CACNB4: variants seen among roughly 807,000 people sequenced by gnomAD.
CACNB4 encodes calcium voltage-gated channel auxiliary subunit beta 4, also known as voltage-dependent L-type calcium channel subunit beta-4.
CACNB4 carries 32 observed loss-of-function variants against 71.2 expected under a neutral mutation model. The ratio of observed to expected loss-of-function variants is 0.45; its 90% CI spans 0.34 to 0.60. The LOEUF is 0.60. CACNB4 is among the 20% of genes least tolerant of loss of function. CACNB4 has a pLI of 0.01. For synonymous variants in CACNB4, 231 were observed against 236.9 expected, an observed-to-expected ratio of 0.97 and a Z score of 0.23; for missense variants, 464 against 647.9, an observed-to-expected ratio of 0.72 and a Z score of 3.08.
Position 151,855,207 on chromosome 2 carries a change from A to G in CACNB4, c.1020+17T>C. The G allele has an allele frequency of 1.3e-6, 2 of 1,513,762 alleles. No homozygotes were observed. The highest frequency in any genetic ancestry group is 1.8e-6 in the Non-Finnish European group (2 of 1,111,386). The allele number at this position is 1,513,762 out of a possible 1,614,324, so 93.8% of individuals were successfully genotyped here. ...AAGATGCACTTCTAAACCTTAAGGC[A>G]GAAAGGAGCTAATTACCTTTGGAGA... On this transcript the variant is annotated intron_variant, in intron 11 of 13. Transcript: ENST00000539935.
intron 2 of CACNB4, among the ~76,000 whole-genome samples, chr2:151,948,982 G>A (rs1334463279): frequency 6.6e-6 from 1 of 151,846 alleles, no homozygotes; most frequent in Non-Finnish European, 1.5e-5. Context: ...GTCTTTCCCA[G>A]TTTCATTCAT....
intron 12 of CACNB4, among the ~76,000 whole-genome samples, chr2:151,845,944 G>A (rs192591209): frequency 1.1e-4 from 16 of 152,286 alleles, no homozygotes; most frequent in East Asian, 5.8e-4. Context: ...TGTAAATAAC[G>A]AAGAGTGAAA....
At chr2:152,038,916 T>C (rs537437094) in intron 2 of CACNB4, among the ~76,000 whole-genome samples, 17 of 152,284 alleles carry the variant, frequency 1.1e-4, no homozygotes, top group Admixed American at 2.0e-4. Context: ...TGACACTTCC[T>C]CATGTTCCCT....
chr2:151,979,852 G>A (rs2099874417), intron 2 of CACNB4, among the ~76,000 whole-genome samples: 1 of 152,156 alleles, frequency 6.6e-6, no homozygotes, highest in African/African-American at 2.4e-5. Flanking sequence ...AGAGTAATTT[G>A]ATTCCTTATC....
intron 2 of CACNB4, among the ~76,000 whole-genome samples, chr2:151,975,723 AATT>A (rs1310649129): frequency 1.3e-5 from 2 of 152,196 alleles, no homozygotes; most frequent in Non-Finnish European, 1.5e-5. Flanking sequence ...CTCTTATTTT[AATT>A]ATTAACTCTC....
chr2:151,883,277 C>T lies in CACNB4; in HGVS notation c.241G>A (p.Ala81Thr). The T allele has an allele frequency of 6.2e-7, 1 of 1,613,978 alleles. No individual in the cohort carries two copies. The highest frequency in any genetic ancestry group is 8.5e-7 in the Non-Finnish European group (1 of 1,179,844). ...EAIRQEREQQ[A>T]AIQLERAKSK... ...TTTGCTCTCTCAAGCTGGATAGCTGCTTGCTGTTCTCTCTCCTGTCGAATT... is the reference window on the plus strand; with the variant it reads ...TTTGCTCTCTCAAGCTGGATAGCTGTTTGCTGTTCTCTCTCCTGTCGAATT... Residue 81 changes from alanine (A) to threonine (T), a missense_variant, in exon 3 of 14, where the codon GCA (alanine) becomes ACA (threonine). Physicochemically the swap from Ala to Thr is moderately conservative, Grantham distance 58 (BLOSUM62 0). Around this residue, in one of 3 missense-constraint regions of CACNB4, gnomAD observed 299 missense variants for 471.7 expected, o/e 0.63. Coordinates refer to ENST00000539935, the MANE Select transcript of CACNB4 (RefSeq NM_000726.5).
intron 2 of CACNB4, chr2:151,970,348 T>A (rs1028626367): frequency 1.3e-5 from 2 of 152,210 alleles, no homozygotes; most frequent in African/African-American, 2.4e-5. Context: ...TGACTATTTC[T>A]GGGTGGTAGG....
intron 9 of CACNB4, among the ~76,000 whole-genome samples, chr2:151,862,087 A>G (rs1457841453): frequency 6.6e-6 from 1 of 152,144 alleles, no homozygotes; most frequent in African/African-American, 2.4e-5. Context: ...CCCAGAAAGG[A>G]GACAAGGAAA....
At chr2:151,945,831 T>C (rs2099865429) in intron 2 of CACNB4, among the ~76,000 whole-genome samples, 1 of 150,388 alleles carries the variant, frequency 6.6e-6, no homozygotes, top group Non-Finnish European at 1.5e-5. Flanking sequence ...GAGCTAAGAT[T>C]ATTGCACTTC....
Position 151,837,630 on chromosome 2 carries a change from A to G in CACNB4, c.*1489T>C, listed in dbSNP as rs2099835171. Reference sequence around the variant, plus strand: ...ATTTAGAAATAAGTTTTTTTTTTTAAAGACATTTGTGTAAAAAGGGTCAAT... The same window carrying G: ...ATTTAGAAATAAGTTTTTTTTTTTAGAGACATTTGTGTAAAAAGGGTCAAT... On this transcript the variant is annotated 3_prime_UTR_variant, in exon 14 of 14. Transcript: ENST00000539935. 6.6e-6 allele frequency: 1 copy of G among 151,966 alleles called. No individual in the cohort carries two copies. The highest frequency in any genetic ancestry group is 1.5e-5 in the Non-Finnish European group (1 of 67,928). 9.4% of individuals were successfully genotyped at this position (151,966 alleles called of 1,614,324 possible).
intron 2 of CACNB4, among the ~76,000 whole-genome samples, chr2:151,906,302 A>C (rs2099854799): frequency 6.6e-6 from 1 of 152,254 alleles, no homozygotes; most frequent in African/African-American, 2.4e-5. Flanking sequence ...AATAGAAAGC[A>C]GTTGAAGCCA....
intron 2 of CACNB4, among the ~76,000 whole-genome samples, chr2:152,085,005 C>T (rs1379312395): frequency 1.3e-5 from 2 of 152,096 alleles, no homozygotes; most frequent in East Asian, 1.9e-4. Flanking sequence ...AGCCAAAACA[C>T]AGTATAAGGG....
At chr2:151,871,685 G>A (rs1211709050) in intron 6 of CACNB4, 2 of 152,422 alleles carry the variant, frequency 1.3e-5, no homozygotes, top group Non-Finnish European at 2.9e-5. Flanking sequence ...CTCCAGTTTT[G>A]GTAGGCCAGA....
intron 2 of CACNB4, among the ~76,000 whole-genome samples, chr2:151,975,513 G>A (rs189063858): frequency 3.3e-5 from 5 of 152,300 alleles, no homozygotes; most frequent in Admixed American, 3.3e-4. Flanking sequence ...CTCTGAGATT[G>A]TGCCCCCATG....
In CACNB4 at chr2:151,889,778, G is replaced by C. The variant is rs146013048; in HGVS notation, c.148-6408C>G. The stretch of plus-strand genomic sequence containing the variant: ...TCACCCCCTTTATCAAACATGCCCA[G>C]AACTCTTTGCTAGGGCACCTAGCCT... On this transcript the variant is annotated intron_variant, in intron 2 of 13. Coordinates refer to ENST00000539935, the MANE Select transcript of CACNB4 (RefSeq NM_000726.5). Among the ~76,000 whole-genome samples, 5 of 152,238 alleles carry C rather than the reference G, an allele frequency of 3.3e-5. No homozygotes were observed. The East Asian group carries it at 9.7e-4, about 29-fold the overall frequency.
chr2:151,868,782 A>G (rs1179854708), intron 9 of CACNB4: 3 of 114,956 alleles, frequency 2.6e-5, no homozygotes, highest in Non-Finnish European at 5.0e-5. Context: ...ACACACACAC[A>G]CACACACACA....
chr2:151,914,078 T>G (rs1269662090), intron 2 of CACNB4, among the ~76,000 whole-genome samples: 1 of 152,210 alleles, frequency 6.6e-6, no homozygotes, highest in East Asian at 1.9e-4. Flanking sequence ...TTTTCCAGCT[T>G]GTTTCCATTC....
intron 2 of CACNB4, among the ~76,000 whole-genome samples, chr2:151,888,133 G>A (rs2099849821): frequency 6.6e-6 from 1 of 152,006 alleles, no homozygotes; most frequent in African/African-American, 2.4e-5. Context: ...TCCCAGCTCG[G>A]GACTAGGCAT....
At chr2:151,913,610 CA>C (rs1559983109) in intron 2 of CACNB4, among the ~76,000 whole-genome samples, 1 of 150,752 alleles carries the variant, frequency 6.6e-6, no homozygotes, top group African/African-American at 2.4e-5. Flanking sequence ...CTAAAAAATG[CA>C]AAAAAATCGC....
Sources: allele counts gnomAD v4.1 joint callset (sites outside exome capture counted in the v4.1 genomes callset), GRCh38; gene constraint gnomAD v4.1.1; regional missense constraint gnomAD v4.1.1; transcripts MANE v1.5; gene names NCBI Gene and HGNC (gene_info 2026-07-23, HGNC 2026-07-21).